The following FREM2 variants were observed in gnomAD, a reference collection of about 807,000 sequenced individuals.
FREM2 encodes FRAS1-related extracellular matrix protein 2.
A neutral mutation model predicts 219.9 loss-of-function variants in FREM2; 119 were observed. That is an observed-to-expected ratio of 0.54 (90% CI 0.47 to 0.63). FREM2 has a LOEUF of 0.63. Ranked by LOEUF, FREM2 falls within the 30% of genes least tolerant of loss-of-function variation. The pLI is 0.00. For synonymous variants in FREM2, 1,562 were observed against 1,522.8 expected (o/e 1.03, Z -0.60); for missense variants, 4,030 against 3,993.6 (o/e 1.01, Z -0.25).
At position 38,810,030 on chromosome 13, in the gene FREM2, C is replaced by A. The variant is rs117934538; in HGVS notation, c.6019+25222C>A. 1.8e-3 allele frequency among the ~76,000 whole-genome samples: 266 copies of A among 151,820 alleles called. 1 individual carries two copies. The highest frequency in any genetic ancestry group is 0.013 in the South Asian group (64 of 4,796). ...AGTGTTTTATGGTTTTGTTGTAGAG[C>A]TCTTTCATTTCTTTGTTTAAGTTGA... On this transcript the variant is annotated intron_variant, in intron 6 of 23. Transcript: ENST00000280481.
intron 2 of FREM2, among the ~76,000 whole-genome samples, chr13:38,738,730 A>G (rs1039753189): frequency 6.6e-6 from 1 of 152,132 alleles, no homozygotes; most frequent in Non-Finnish European, 1.5e-5. Flanking sequence ...AGTCAGATGC[A>G]GAGTATGAGA....
chr13:38,789,646 C>T (rs891441182), intron 6 of FREM2, among the ~76,000 whole-genome samples: 35 of 151,032 alleles, frequency 2.3e-4, no homozygotes, highest in African/African-American at 8.2e-4. Context: ...ACTTACCTTC[C>T]AGTTGGCTAA....
intron 2 of FREM2, among the ~76,000 whole-genome samples, chr13:38,749,365 C>T (rs1487628241): frequency 2.0e-5 from 3 of 152,122 alleles, no homozygotes; most frequent in Admixed American, 2.0e-4. Flanking sequence ...TTGAAAAGTT[C>T]TGCATATTTA....
At chr13:38,770,296 T>C (rs1873611681) in intron 4 of FREM2, among the ~76,000 whole-genome samples, 1 of 151,434 alleles carries the variant, frequency 6.6e-6, no homozygotes, top group African/African-American at 2.4e-5. Context: ...GGCCTCGAGC[T>C]ATCCTCCCAA....
chr13:38,860,194 T>C (rs1449843887), intron 14 of FREM2, among the ~76,000 whole-genome samples: 1 of 151,496 alleles, frequency 6.6e-6, no homozygotes, highest in Non-Finnish European at 1.5e-5. Context: ...GTTGGGTGAG[T>C]AGGATTTTGC....
chr13:38,688,737 C>T lies in FREM2; in HGVS notation c.1393C>T (p.Pro465Ser). 1 of 1,613,976 alleles carries T rather than the reference C, an allele frequency of 6.2e-7. No homozygotes were observed. The highest frequency in any genetic ancestry group is 2.2e-5 in the East Asian group (1 of 44,868). ...RPLTGPAGSG[P>S]QNLVISDEDD... is the part of the protein sequence containing the mutation. ...CCTCACAGGCCCTGCAGGCAGTGGTCCGCAAAACTTGGTCATCAGCGATGA... is the reference window on the plus strand; with the variant it reads ...CCTCACAGGCCCTGCAGGCAGTGGTTCGCAAAACTTGGTCATCAGCGATGA... The change falls in exon 1 of 24, where the codon CCG (proline) becomes TCG (serine). Residue 465 changes from proline to serine, a missense_variant. By Grantham distance (74) the Pro-to-Ser change is moderately conservative (BLOSUM62 -1). Transcript: ENST00000280481.
chr13:38,871,711 C>A (rs1389485708), intron 16 of FREM2, among the ~76,000 whole-genome samples: 1 of 152,128 alleles, frequency 6.6e-6, no homozygotes, highest in Non-Finnish European at 1.5e-5. Flanking sequence ...GACCATCCAA[C>A]TATCCATCCA....
chr13:38,817,647 G>A (rs1052060884), intron 6 of FREM2, among the ~76,000 whole-genome samples: 2 of 152,016 alleles, frequency 1.3e-5, no homozygotes, highest in African/African-American at 4.8e-5. Flanking sequence ...ATTGGGCTGG[G>A]CAAGGACTTT....
chr13:38,742,777 C>T (rs1872301942), intron 2 of FREM2, among the ~76,000 whole-genome samples: 1 of 152,154 alleles, frequency 6.6e-6, no homozygotes, highest in African/African-American at 2.4e-5. Flanking sequence ...ATAGTTCTCT[C>T]AATGAATTTT....
At chr13:38,814,962 C>T (rs1875705403) in intron 6 of FREM2, among the ~76,000 whole-genome samples, 1 of 152,128 alleles carries the variant, frequency 6.6e-6, no homozygotes, top group Non-Finnish European at 1.5e-5. Flanking sequence ...GCCTTCAGGA[C>T]AGTGGGCTCC....
chr13:38,706,649 T>C (rs901490603), intron 2 of FREM2, among the ~76,000 whole-genome samples: 1 of 152,212 alleles, frequency 6.6e-6, no homozygotes, highest in Non-Finnish European at 1.5e-5. Context: ...TATGAAAATA[T>C]AAAATCCTGC....
At chr13:38,858,323 A>G (rs542844635) in intron 13 of FREM2, among the ~76,000 whole-genome samples, 1 of 152,332 alleles carries the variant, frequency 6.6e-6, no homozygotes, top group South Asian at 2.1e-4. Context: ...AGAGATGAAG[A>G]AAAGAATATA....
chr13:38,731,535 C>T (rs1194762015), intron 2 of FREM2, among the ~76,000 whole-genome samples: 4 of 152,124 alleles, frequency 2.6e-5, no homozygotes, highest in Non-Finnish European at 2.9e-5. Flanking sequence ...ACAGTAACCA[C>T]GCCGGACATG....
At chr13:38,796,661 T>C (rs1874798863) in intron 6 of FREM2, among the ~76,000 whole-genome samples, 2 of 152,204 alleles carry the variant, frequency 1.3e-5, no homozygotes, top group African/African-American at 2.4e-5. Context: ...GTTTCTTTAT[T>C]CATCTGTCAA....
At chr13:38,728,055 G>A (rs1871601733) in intron 2 of FREM2, among the ~76,000 whole-genome samples, 1 of 152,142 alleles carries the variant, frequency 6.6e-6, no homozygotes, top group Non-Finnish European at 1.5e-5. Context: ...AATAAGACAA[G>A]TAGACATTTA....
intron 23 of FREM2, 35 bp downstream of exon 23, chr13:38,879,012 G>T: frequency 6.2e-7 from 1 of 1,603,896 alleles, no homozygotes; most frequent in Non-Finnish European, 8.5e-7. Context: ...TAGTAGTTGT[G>T]TACCCACATG....
At chr13:38,850,335 C>A in intron 9 of FREM2, 100 bp downstream of exon 9, 1 of 937,252 alleles carries the variant, frequency 1.1e-6, no homozygotes, top group Non-Finnish European at 1.7e-6. Flanking sequence ...TATCAACAAG[C>A]ATATGGCATG....
chr13:38,690,870 A>G lies in FREM2; in HGVS notation c.3526A>G (p.Arg1176Gly). The G allele has an allele frequency of 8.7e-6, 14 of 1,614,132 alleles. No homozygotes were observed. The highest frequency in any genetic ancestry group is 1.1e-5 in the Non-Finnish European group (13 of 1,179,998). Reference protein sequence around the residue: ...RCSDGINFSERQFFPIVIIPT... With the variant: ...RCSDGINFSEGQFFPIVIIPT... ...TTCTGATGGCATTAACTTTTCAGAG[A>G]GACAGTTCTTCCCCATTGTAATCAT... Residue 1176 changes from arginine (R) to glycine (G), a missense_variant, in exon 1 of 24, where the codon AGA (arginine) becomes GGA (glycine). Physicochemically the swap from Arg to Gly is moderately radical, Grantham distance 125. Around this residue, in one of 2 missense-constraint regions of FREM2, gnomAD observed 3,102 missense variants for 2,950.7 expected, o/e 1.05. Transcript: ENST00000280481.
intron 7 of FREM2, among the ~76,000 whole-genome samples, chr13:38,847,967 G>A (rs946920865): frequency 2.0e-5 from 3 of 152,062 alleles, no homozygotes; most frequent in African/African-American, 7.2e-5. Flanking sequence ...GGCAGAGCTG[G>A]TACCCCTTAA....
Sources: allele counts gnomAD v4.1 joint callset (sites outside exome capture counted in the v4.1 genomes callset), GRCh38; gene constraint gnomAD v4.1.1; regional missense constraint gnomAD v4.1.1; transcripts MANE v1.5; gene names NCBI Gene and HGNC (gene_info 2026-07-23, HGNC 2026-07-21).